Variants in SVOPL observed in about 807,000 individuals in gnomAD.
SVOPL encodes SVOP like.
Under a neutral mutation model 61.0 loss-of-function variants are expected in SVOPL, and 60 were observed. That is an observed-to-expected ratio of 0.98 (90% CI 0.80 to 1.22). SVOPL has a LOEUF of 1.22. Ranked by LOEUF, SVOPL falls within the 50% of genes most tolerant of loss-of-function variation. The pLI is 0.00. For synonymous variants in SVOPL, 279 were observed against 250.0 expected (o/e 1.12, Z -1.09); for missense variants, 662 against 643.9 (o/e 1.03, Z -0.30).
At chr7:138,698,462 C>A (rs1215191617) in intron 1 of SVOPL, among the ~76,000 whole-genome samples, 1 of 152,072 alleles carries the variant, frequency 6.6e-6, no homozygotes, top group Admixed American at 6.6e-5. Flanking sequence ...TGGCTGGCAT[C>A]TCAGGTCATG....
chr7:138,644,943 G>C, intron 8 of SVOPL, 98 bp from the exon 9 acceptor site: 1 of 1,470,874 alleles, frequency 6.8e-7, no homozygotes. Flanking sequence ...AGTTTCCCAA[G>C]ATAGGAAAAG....
At position 138,670,984 on chromosome 7, in the gene SVOPL, CAG is replaced by C. The variant is rs1802400482; in HGVS notation, c.273+1033_273+1034del. On this transcript the variant is annotated intron_variant, in intron 4 of 15. Transcript: ENST00000674285. ...AGGTGAACTTTCATACCCATTTAAT[CAG>C]AAATATATAATGACTATGAAGTCAA... 3.3e-5 allele frequency among the ~76,000 whole-genome samples: 5 copies of C among 152,262 alleles called. No individual in the cohort carries two copies. The South Asian group carries it at 1.0e-3, about 32-fold the overall frequency.
chr7:138,605,640 CAAAAAAAA>C (rs1159063438), intron 14 of SVOPL, among the ~76,000 whole-genome samples: 1 of 84,286 alleles, frequency 1.2e-5, no homozygotes, highest in Non-Finnish European at 2.3e-5. Context: ...CTAACCTGGG[CAAAAAAAA>C]AAAAAAAAAA....
At chr7:138,664,032 T>C (rs1030357584) in intron 4 of SVOPL, among the ~76,000 whole-genome samples, 1 of 152,132 alleles carries the variant, frequency 6.6e-6, no homozygotes, top group Non-Finnish European at 1.5e-5. Context: ...TCCTGCACGC[T>C]ACACTTTCTA....
At chr7:138,646,086 T>A in intron 8 of SVOPL, 1 of 182,174 alleles carries the variant, frequency 5.5e-6, no homozygotes, top group Non-Finnish European at 1.2e-5. Context: ...AGTGCTGGGA[T>A]TACAGGCGTG....
chr7:138,681,853 G>C (rs556178972), intron 1 of SVOPL, among the ~76,000 whole-genome samples: 2 of 151,928 alleles, frequency 1.3e-5, no homozygotes, highest in East Asian at 3.9e-4. Flanking sequence ...AATTGAAAAG[G>C]CTCCCACTGG....
At chr7:138,596,342 G>T in intron 15 of SVOPL, 75 bp downstream of exon 15, 2 of 1,183,850 alleles carry the variant, frequency 1.7e-6, no homozygotes, top group Non-Finnish European at 2.4e-6. Flanking sequence ...CTACAATGAT[G>T]CCCATATACC....
At chr7:138,676,769 C>T (rs1802571189) in intron 3 of SVOPL, among the ~76,000 whole-genome samples, 1 of 152,148 alleles carries the variant, frequency 6.6e-6, no homozygotes, top group African/African-American at 2.4e-5. Context: ...CCAATACTTC[C>T]ATTTCTATCA....
At chr7:138,637,357 G>C (rs570504902) in intron 9 of SVOPL, among the ~76,000 whole-genome samples, 1 of 151,536 alleles carries the variant, frequency 6.6e-6, no homozygotes, top group East Asian at 1.9e-4. Flanking sequence ...GAACTCAGGA[G>C]GCAGAGGTTG....
chr7:138,632,879 C>T (rs1463330321), intron 9 of SVOPL, among the ~76,000 whole-genome samples: 1 of 152,208 alleles, frequency 6.6e-6, no homozygotes, highest in Non-Finnish European at 1.5e-5. Flanking sequence ...AATCTTACAG[C>T]TATCCGTGGT....
At chr7:138,625,508 AG>A (rs1400763223) in intron 13 of SVOPL, among the ~76,000 whole-genome samples, 7 of 152,250 alleles carry the variant, frequency 4.6e-5, no homozygotes, top group African/African-American at 1.7e-4. Context: ...CCTTGCATAT[AG>A]ATGTATTAAT....
intron 1 of SVOPL, among the ~76,000 whole-genome samples, chr7:138,679,493 G>C (rs1802654979): frequency 6.6e-6 from 1 of 152,000 alleles, no homozygotes; most frequent in Non-Finnish European, 1.5e-5. Flanking sequence ...GGCTGGTCTC[G>C]AATTTCTGAC....
At chr7:138,626,133 A>C in intron 12 of SVOPL, 83 bp from the exon 13 acceptor site, 1 of 1,295,412 alleles carries the variant, frequency 7.7e-7, no homozygotes, top group Non-Finnish European at 1.1e-6. Context: ...TGCACTGTGG[A>C]TGCTGAGATA....
Position 138,649,048 on chromosome 7 carries a change from G to A in SVOPL, c.624C>T (p.Ala208=), listed in dbSNP as rs759005740. 10 of 1,613,866 alleles carry A rather than the reference G, an allele frequency of 6.2e-6. No individual in the cohort carries two copies. The highest frequency in any genetic ancestry group is 7.6e-6 in the Non-Finnish European group (9 of 1,179,986). The change falls in exon 8 of 16, where the codon GCC becomes GCT. Residue 208 remains alanine (A), a synonymous_variant. Coordinates refer to ENST00000674285, the MANE Select transcript of SVOPL (RefSeq NM_001139456.2). ...TIGWRWLIRV[A]SIPGIILIVA... is the part of the protein sequence containing the mutation. ...CGATGAGGATGATGCCCGGGATGGA[G>A]GCGACGCGAATGAGCCAGCGCCACC... is the stretch of plus-strand genomic sequence containing the variant.
intron 9 of SVOPL, among the ~76,000 whole-genome samples, chr7:138,631,960 TCA>T (rs756332176): frequency 4.4e-4 from 64 of 146,528 alleles, no homozygotes; most frequent in East Asian, 2.1e-3. Context: ...TGCTCTGATA[TCA>T]CACACACACA....
intron 7 of SVOPL, among the ~76,000 whole-genome samples, chr7:138,654,693 GGTT>G (rs1208198067): frequency 6.6e-6 from 1 of 151,570 alleles, no homozygotes; most frequent in Non-Finnish European, 1.5e-5. Context: ...CGGAAAAAAA[GGTT>G]TTTTAAAATA....
chr7:138,601,871 C>G (rs891162271), intron 14 of SVOPL, among the ~76,000 whole-genome samples: 3 of 121,678 alleles, frequency 2.5e-5, no homozygotes, highest in African/African-American at 1.1e-4. Context: ...ACCACCTCAT[C>G]ACTAGCTCCT....
At chr7:138,605,642 A>C (rs1798725157) in intron 14 of SVOPL, among the ~76,000 whole-genome samples, 1 of 77,326 alleles carries the variant, frequency 1.3e-5, no homozygotes, top group Admixed American at 1.8e-4. Flanking sequence ...AACCTGGGCA[A>C]AAAAAAAAAA....
At chr7:138,623,491 TCAGGAGGCTGAGG>T (rs1799762043) in intron 13 of SVOPL, among the ~76,000 whole-genome samples, 1 of 151,956 alleles carries the variant, frequency 6.6e-6, no homozygotes, top group Non-Finnish European at 1.5e-5. Flanking sequence ...TCCCAGCTAC[TCAGGAGGCTGAGG>T]CAGGAGAATG....
Sources: allele counts gnomAD v4.1 joint callset (sites outside exome capture counted in the v4.1 genomes callset), GRCh38; gene constraint gnomAD v4.1.1; transcripts MANE v1.5; gene names NCBI Gene and HGNC (gene_info 2026-07-23, HGNC 2026-07-21).